The following NUP210 variants were observed in gnomAD, a reference collection of about 807,000 sequenced individuals.
The protein encoded by NUP210 is nucleoporin 210.
A neutral mutation model predicts 196.0 loss-of-function variants in NUP210; 151 were observed. The ratio of observed to expected loss-of-function variants is 0.77; its 90% CI spans 0.67 to 0.88. NUP210 has a LOEUF of 0.88. Ranked by LOEUF, NUP210 falls within the 40% of genes least tolerant of loss-of-function variation. NUP210 has a pLI of 0.00. For synonymous variants in NUP210, 1,070 were observed against 1,052.7 expected (o/e 1.02, Z -0.32); for missense variants, 2,314 against 2,493.7 (o/e 0.93, Z 1.53).
intron 14 of NUP210, among the ~76,000 whole-genome samples, chr3:13,364,988 T>C (rs1698483030): frequency 1.3e-5 from 2 of 152,166 alleles, no homozygotes; most frequent in South Asian, 4.1e-4. Context: ...AAGGACTGCC[T>C]GACCAAGCCA....
chr3:13,386,472 G>A (rs757574835), intron 5 of NUP210, 65 bp from the exon 6 acceptor site: 14 of 1,573,968 alleles, frequency 8.9e-6, no homozygotes, highest in Non-Finnish European at 1.2e-5. Flanking sequence ...GGTGGTGTGA[G>A]CAAGAGAAAG....
At chr3:13,320,814 C>T (rs1228263065) in intron 36 of NUP210, among the ~76,000 whole-genome samples, 3 of 151,490 alleles carry the variant, frequency 2.0e-5, no homozygotes, top group Non-Finnish European at 4.4e-5. Flanking sequence ...ATGGCATGAA[C>T]CTGGGAGGTA....
At chr3:13,325,434 G>C (rs955290944) in intron 33 of NUP210, among the ~76,000 whole-genome samples, 2 of 152,292 alleles carry the variant, frequency 1.3e-5, no homozygotes, top group East Asian at 3.9e-4. Flanking sequence ...GTCGCCTCCA[G>C]ACTCAAAGGG....
At chr3:13,337,057 G>A in intron 26 of NUP210, 139 bp from the exon 27 acceptor site, 1 of 1,033,342 alleles carries the variant, frequency 9.7e-7, no homozygotes, top group Non-Finnish European at 1.4e-6. Context: ...ACAGGTTTGG[G>A]AATTTTGATG....
chr3:13,368,357 A>G (rs1237711038), intron 13 of NUP210, among the ~76,000 whole-genome samples: 2 of 152,274 alleles, frequency 1.3e-5, no homozygotes, highest in East Asian at 3.8e-4. Context: ...GATTAAGGGC[A>G]TGGGCCACCG....
chr3:13,397,521 A>G lies in NUP210; in HGVS notation c.305-33T>C, dbSNP rs1047268646. 2.6e-6 allele frequency: 4 copies of G among 1,547,670 alleles called. No homozygotes were observed. The African/African-American group carries it at 5.5e-5, about 21-fold the overall frequency. Reference sequence around the variant, plus strand: ...AACCCCAGGAAGGGGTCAGCACCAAAGACAGTCCCCGCCCCTGGCTCCACT... The same window carrying G: ...AACCCCAGGAAGGGGTCAGCACCAAGGACAGTCCCCGCCCCTGGCTCCACT... On this transcript the variant is annotated intron_variant, in intron 2 of 39. Coordinates refer to ENST00000254508, the MANE Select transcript of NUP210 (RefSeq NM_024923.4).
intron 1 of NUP210, among the ~76,000 whole-genome samples, chr3:13,418,619 C>G (rs1323932647): frequency 1.3e-5 from 2 of 152,012 alleles, no homozygotes; most frequent in African/African-American, 4.8e-5. Context: ...GAAACCCCGT[C>G]TCTACTAAAA....
chr3:13,388,243 G>C, intron 5 of NUP210, 60 bp downstream of exon 5: 1 of 1,394,944 alleles, frequency 7.2e-7, no homozygotes, highest in Non-Finnish European at 9.8e-7. Flanking sequence ...CTATAAGCAG[G>C]TACCGTCAGC....
Position 13,346,408 on chromosome 3 carries a change from C to T in NUP210, c.2836-3105G>A, listed in dbSNP as rs556089782. ...TGATTGACACATGGGAGAATGTTTGCGAGGGGAAAGAGGTAGTGGTGACCC... is the reference window on the plus strand; with the variant it reads ...TGATTGACACATGGGAGAATGTTTGTGAGGGGAAAGAGGTAGTGGTGACCC... On this transcript the variant is annotated intron_variant, in intron 20 of 39. Coordinates refer to ENST00000254508, the MANE Select transcript of NUP210 (RefSeq NM_024923.4). 4.6e-5 allele frequency among the ~76,000 whole-genome samples: 7 copies of T among 152,284 alleles called. No homozygotes were observed. In the East Asian group the frequency reaches 7.7e-4, roughly 17 times the overall value.
In NUP210 at chr3:13,358,290, G is replaced by A; in HGVS notation, c.2260C>T (p.Leu754Phe). Residue 754 changes from leucine (L) to phenylalanine (F), a missense_variant, in exon 16 of 40, where the codon CTC (leucine) becomes TTC (phenylalanine). Leu to Phe is a conservative substitution (Grantham distance 22, BLOSUM62 0). Coordinates refer to ENST00000254508, the MANE Select transcript of NUP210 (RefSeq NM_024923.4). ...FVCAPPSRLT[L>F]APVYTSPQLD... The stretch of plus-strand genomic sequence containing the variant: ...TGGGGGCTGGTGTAGACAGGCGCGA[G>A]GGTGAGCCTGGACGGTGGGGCGCAG... The A allele has an allele frequency of 1.2e-6, 2 of 1,613,836 alleles. No individual in the cohort carries two copies. The highest frequency in any genetic ancestry group is 2.2e-5 in the South Asian group (2 of 91,046).
At chr3:13,397,979 A>G (rs1355578880) in intron 2 of NUP210, among the ~76,000 whole-genome samples, 1 of 152,224 alleles carries the variant, frequency 6.6e-6, no homozygotes, top group Non-Finnish European at 1.5e-5. Context: ...TGCTCCATAA[A>G]TAAGGTATGT....
rs544697131 is a variant in NUP210, at chr3:13,362,352, T to C, written c.1933-1861A>G. 7.2e-5 allele frequency among the ~76,000 whole-genome samples: 11 copies of C among 152,104 alleles called. No homozygotes were observed. The East Asian group carries it at 2.1e-3, about 29-fold the overall frequency. On this transcript the variant is annotated intron_variant, in intron 14 of 39. Transcript: ENST00000254508. ...CTCAAAGGCCTCAGCTCCATTGCTG[T>C]GGGGGTCAGCATTTCAACATATGTA...
At chr3:13,358,842 G>A (rs1274468745) in intron 15 of NUP210, among the ~76,000 whole-genome samples, 1 of 152,224 alleles carries the variant, frequency 6.6e-6, no homozygotes, top group Admixed American at 6.5e-5. Context: ...TAGGAGCTCT[G>A]CAGGACAACG....
At chr3:13,372,068 T>C in intron 12 of NUP210, 36 bp from the exon 13 acceptor site, 1 of 1,512,082 alleles carries the variant, frequency 6.6e-7, no homozygotes, top group Non-Finnish European at 8.9e-7. Context: ...CTCAGCTGCC[T>C]CCACAGGAGA....
chr3:13,417,637 G>T (rs1229076612), intron 1 of NUP210, among the ~76,000 whole-genome samples: 1 of 152,140 alleles, frequency 6.6e-6, no homozygotes, highest in Non-Finnish European at 1.5e-5. Context: ...TAAAAATAAA[G>T]AAAATATTCT....
Position 13,356,300 on chromosome 3 carries a change from A to G in NUP210, c.2328+1922T>C, listed in dbSNP as rs566494798. Among the ~76,000 whole-genome samples, 14 of 152,360 alleles carry G rather than the reference A, an allele frequency of 9.2e-5. No homozygotes were observed. In the South Asian group the frequency reaches 2.9e-3, roughly 32 times the overall value. Reference sequence around the variant, plus strand: ...CTCTGAAGTTGGAGAGTATAAAATTACCTTGATCCTGCATCCAGGCTGCAT... The same window carrying G: ...CTCTGAAGTTGGAGAGTATAAAATTGCCTTGATCCTGCATCCAGGCTGCAT... On this transcript the variant is annotated intron_variant, in intron 16 of 39. Transcript: ENST00000254508.
intron 39 of NUP210, among the ~76,000 whole-genome samples, chr3:13,318,640 C>T (rs1218369428): frequency 6.6e-6 from 1 of 152,158 alleles, no homozygotes. Flanking sequence ...ACCAGGGCTT[C>T]GGGGTCACCA....
rs540346566 is a variant in NUP210 at position 13,356,469 on chromosome 3, C to A, written c.2328+1753G>T. ...ACCAGCCTGACCAATATGGTGAAAC[C>A]CTGTCTCTACTAAAAATACAAAAAT... On this transcript the variant is annotated intron_variant, in intron 16 of 39. Transcript: ENST00000254508. Among the ~76,000 whole-genome samples, 8 of 152,216 alleles carry A rather than the reference C, an allele frequency of 5.3e-5. No individual in the cohort carries two copies. The South Asian group carries it at 1.7e-3, about 32-fold the overall frequency.
Position 13,351,817 on chromosome 3 carries a change from A to G in NUP210, c.2835+62T>C, listed in dbSNP as rs760766963. The G allele has an allele frequency of 2.2e-5, 24 of 1,075,758 alleles. No homozygotes were observed. The African/African-American group carries it at 3.3e-4, about 15-fold the overall frequency. The allele number at this position is 1,075,758 out of a possible 1,614,324, so 66.6% of individuals were successfully genotyped here. A position where few individuals can be genotyped will look rare whatever the true frequency, so the allele number is the denominator to read the frequency against. Reference sequence around the variant, plus strand: ...AGCTTTCAAAATGATCAATCAATTAACCACACAACAGCCCAGATAAGGAAT... The same window carrying G: ...AGCTTTCAAAATGATCAATCAATTAGCCACACAACAGCCCAGATAAGGAAT... On this transcript the variant is annotated intron_variant, in intron 20 of 39. Coordinates refer to ENST00000254508, the MANE Select transcript of NUP210 (RefSeq NM_024923.4).
Sources: gnomAD v4.1 joint callset for allele counts (sites outside exome capture counted in the v4.1 genomes callset) on GRCh38, gnomAD v4.1.1 for gene constraint, MANE v1.5 for transcripts, NCBI Gene and HGNC (gene_info 2026-07-23, HGNC 2026-07-21) for gene names.